Variants in IL17RD observed in about 807,000 individuals in gnomAD.
IL17RD encodes the protein interleukin-17 receptor D.
Under a neutral mutation model 80.5 loss-of-function variants are expected in IL17RD, and 52 were observed. The observed-to-expected ratio is 0.65, with a 90% CI of 0.52 to 0.81. IL17RD has a LOEUF of 0.81. Ranked by LOEUF, IL17RD falls within the 40% of genes least tolerant of loss-of-function variation. IL17RD has a pLI of 0.00. For missense variants in IL17RD, 1,024 were observed against 955.1 expected, an observed-to-expected ratio of 1.07 and a Z score of -0.95; for synonymous variants, 416 against 391.8, an observed-to-expected ratio of 1.06 and a Z score of -0.73.
At chr3:57,096,981 G>A (rs938810472) in intron 12 of IL17RD, among the ~76,000 whole-genome samples, 9 of 151,296 alleles carry the variant, frequency 5.9e-5, no homozygotes, top group Non-Finnish European at 7.4e-5. Context: ...TTGCAGCCTG[G>A]GCGACAGGGT....
intron 1 of IL17RD, among the ~76,000 whole-genome samples, chr3:57,127,231 AAAATATATAAAT>A (rs1559476720): frequency 0.022 from 2,295 of 103,746 alleles, 310 homozygotes; most frequent in African/African-American, 0.098. Context: ...AATATATATA[AAAATATATAAAT>A]ATATATATAA....
At chr3:57,126,273 A>C (rs1260221589) in intron 1 of IL17RD, among the ~76,000 whole-genome samples, 6 of 152,204 alleles carry the variant, frequency 3.9e-5, no homozygotes, top group Admixed American at 1.3e-4. Context: ...CTAAGCAGCA[A>C]GCCCCGGCTG....
chr3:57,148,966 G>C (rs1349369562), intron 1 of IL17RD, among the ~76,000 whole-genome samples: 1 of 152,202 alleles, frequency 6.6e-6, no homozygotes, highest in Non-Finnish European at 1.5e-5. Context: ...AACAAGGTTG[G>C]AAGGTTGGGG....
intron 1 of IL17RD, among the ~76,000 whole-genome samples, chr3:57,159,068 C>T (rs1464954235): frequency 2.6e-5 from 4 of 152,102 alleles, no homozygotes; most frequent in Admixed American, 2.6e-4. Flanking sequence ...TTGCTTTAAC[C>T]TGCCATATAT....
intron 1 of IL17RD, among the ~76,000 whole-genome samples, chr3:57,161,853 T>C (rs1656366166): frequency 6.6e-6 from 1 of 152,254 alleles, no homozygotes; most frequent in South Asian, 2.1e-4. Context: ...GTGGTCCCTC[T>C]GGAGGTTTTA....
In IL17RD at chr3:57,105,941, T is replaced by C. The variant is rs1706953753; in HGVS notation, c.663A>G (p.Ala221=). Reference sequence around the variant, plus strand: ...AGAAACGGAAGCCGAAGTTGTGCGGTGCATGGTCGAAGGACACCTGCATGT... The same window carrying C: ...AGAAACGGAAGCCGAAGTTGTGCGGCGCATGGTCGAAGGACACCTGCATGT... ...GSDMQVSFDH[A]PHNFGFRFFY... The change falls in exon 7 of 13, where the codon GCA becomes GCG. Residue 221 remains alanine (A), a synonymous_variant. Coordinates refer to ENST00000296318, the MANE Select transcript of IL17RD (RefSeq NM_017563.5). The C allele has an allele frequency of 6.2e-7, 1 of 1,613,886 alleles. No homozygotes were observed. Among genetic ancestry groups the C allele is most frequent in the Non-Finnish European group, 8.5e-7 (1 of 1,179,824 alleles).
rs74764254 is a variant in IL17RD, at chr3:57,113,171, C to A, written c.310+1521G>T. ...ATTCAAGAGGACAAGCAGATTTAGCCCCAACCCGAATCTAGCCATATAATA... is the reference window on the plus strand; with the variant it reads ...ATTCAAGAGGACAAGCAGATTTAGCACCAACCCGAATCTAGCCATATAATA... On this transcript the variant is annotated intron_variant, in intron 3 of 12. Coordinates refer to ENST00000296318, the MANE Select transcript of IL17RD (RefSeq NM_017563.5). 9.1e-3 allele frequency among the ~76,000 whole-genome samples: 1,389 copies of A among 152,246 alleles called. 24 individuals carry two copies. Among genetic ancestry groups the A allele is most frequent in the African/African-American group, 0.032 (1,318 of 41,546 alleles).
chr3:57,112,245 C>T (rs1707116177), intron 3 of IL17RD, among the ~76,000 whole-genome samples: 1 of 152,172 alleles, frequency 6.6e-6, no homozygotes, highest in Non-Finnish European at 1.5e-5. Flanking sequence ...TCCCAACAAC[C>T]ACAGAAGGAA....
At chr3:57,158,494 T>C (rs1349478936) in intron 1 of IL17RD, among the ~76,000 whole-genome samples, 1 of 152,244 alleles carries the variant, frequency 6.6e-6, no homozygotes, top group Non-Finnish European at 1.5e-5. Flanking sequence ...TGTGTTCACA[T>C]CACATCTTTA....
intron 1 of IL17RD, among the ~76,000 whole-genome samples, chr3:57,138,095 C>A (rs976430371): frequency 1.3e-5 from 2 of 151,920 alleles, no homozygotes; most frequent in Non-Finnish European, 2.9e-5. Context: ...CCAGGGGCTG[C>A]GGGGAGAGGA....
At chr3:57,129,424 C>T (rs1707560954) in intron 1 of IL17RD, among the ~76,000 whole-genome samples, 1 of 152,160 alleles carries the variant, frequency 6.6e-6, no homozygotes, top group Admixed American at 6.5e-5. Context: ...GATCAAAACA[C>T]AACTACTAAT....
At chr3:57,131,205 G>A (rs976403638) in intron 1 of IL17RD, among the ~76,000 whole-genome samples, 2 of 146,818 alleles carry the variant, frequency 1.4e-5, no homozygotes, top group Non-Finnish European at 1.5e-5. Context: ...CCCAAGCTGT[G>A]GGAATCCCAG....
intron 1 of IL17RD, among the ~76,000 whole-genome samples, chr3:57,140,711 T>C (rs1707812371): frequency 6.6e-6 from 1 of 152,182 alleles, no homozygotes. Context: ...TCTCTGAAAT[T>C]TGATTGATCT....
chr3:57,153,765 A>G (rs957991776), intron 1 of IL17RD, among the ~76,000 whole-genome samples: 6 of 152,234 alleles, frequency 3.9e-5, no homozygotes, highest in Non-Finnish European at 8.8e-5. Flanking sequence ...TGGGGCTGTA[A>G]GGGACTCTAA....
At chr3:57,134,324 C>A in intron 1 of IL17RD, 1 of 687,870 alleles carries the variant, frequency 1.5e-6, no homozygotes, top group Non-Finnish European at 2.7e-6. Context: ...GGGCTTGATG[C>A]CGGGAAAACA....
chr3:57,163,107 A>G (rs1013516846), intron 1 of IL17RD, among the ~76,000 whole-genome samples: 1 of 152,124 alleles, frequency 6.6e-6, no homozygotes, highest in Admixed American at 6.5e-5. Context: ...ATGTGGGGAA[A>G]CTGGGTCCAT....
intron 4 of IL17RD, 37 bp downstream of exon 4, chr3:57,110,156 G>A (rs1313775338): frequency 1.9e-6 from 3 of 1,558,902 alleles, no homozygotes; most frequent in Non-Finnish European, 2.6e-6. Context: ...TGGAACAATG[G>A]CATGTCTTCA....
At chr3:57,122,740 C>T (rs371178748) in intron 1 of IL17RD, among the ~76,000 whole-genome samples, 28 of 117,024 alleles carry the variant, frequency 2.4e-4, no homozygotes, top group Admixed American at 8.5e-4. Flanking sequence ...CCTCAACTGT[C>T]TTTTTTTTTT....
intron 1 of IL17RD, among the ~76,000 whole-genome samples, chr3:57,161,773 C>T (rs1458594799): frequency 6.6e-6 from 1 of 152,186 alleles, no homozygotes; most frequent in Non-Finnish European, 1.5e-5. Flanking sequence ...AGTTATGAAC[C>T]AAACTTGCTT....
Sources: gnomAD v4.1 joint callset for allele counts (sites outside exome capture counted in the v4.1 genomes callset) on GRCh38, gnomAD v4.1.1 for gene constraint, MANE v1.5 for transcripts, NCBI Gene and HGNC (gene_info 2026-07-23, HGNC 2026-07-21) for gene names.